Variants in LAMA5 observed in about 807,000 individuals in gnomAD.
LAMA5 encodes laminin subunit alpha 5.
LAMA5 carries 260 observed loss-of-function variants against 433.4 expected under a neutral mutation model. The ratio of observed to expected loss-of-function variants is 0.60; its 90% CI spans 0.54 to 0.66. The LOEUF is 0.66. LAMA5 is among the 30% of genes least tolerant of loss of function. LAMA5 has a pLI of 0.00. For synonymous variants in LAMA5, 2,620 were observed against 2,226.6 expected (o/e 1.18, Z -4.97); for missense variants, 5,378 against 5,258.5 (o/e 1.02, Z -0.70).
chr20:62,320,318 CAAA>C (rs60260941), intron 50 of LAMA5, among the ~76,000 whole-genome samples: 1 of 51,282 alleles, frequency 1.9e-5, no homozygotes, highest in Non-Finnish European at 3.4e-5. Context: ...AACTGTGTCT[CAAA>C]AAAAAAAAAA....
intron 31 of LAMA5, 146 bp from the exon 32 acceptor site, chr20:62,330,062 A>G (rs1980067384): frequency 1.7e-6 from 2 of 1,206,404 alleles, no homozygotes; most frequent in Middle Eastern, 2.9e-4. Flanking sequence ...GAGGTCTGCA[A>G]GGCCGGCCCC....
At chr20:62,335,393 G>C in intron 18 of LAMA5, 124 bp from the exon 19 acceptor site, 1 of 892,028 alleles carries the variant, frequency 1.1e-6, no homozygotes, top group Non-Finnish European at 1.7e-6. Flanking sequence ...AGCACCCCCA[G>C]GAGCCCCTGC....
At chr20:62,361,989 C>T (rs535016259) in intron 2 of LAMA5, among the ~76,000 whole-genome samples, 13 of 152,278 alleles carry the variant, frequency 8.5e-5, no homozygotes, top group African/African-American at 2.4e-4. Context: ...TGTCCACTTG[C>T]GCCAGCCTCC....
chr20:62,316,643 AGG>A, intron 57 of LAMA5, 26 bp downstream of exon 57: 1 of 1,491,428 alleles, frequency 6.7e-7, no homozygotes, highest in African/African-American at 1.4e-5. Flanking sequence ...AGCAGGCCTA[AGG>A]GCCCCCATCG....
Position 62,318,948 on chromosome 20 carries a change from G to C in LAMA5, c.6937C>G (p.Leu2313Val). The C allele has an allele frequency of 1.3e-6, 2 of 1,597,354 alleles. No individual in the cohort carries two copies. Among genetic ancestry groups the C allele is most frequent in the Non-Finnish European group, 1.7e-6 (2 of 1,174,272 alleles). Residue 2313 changes from leucine to valine, a missense_variant, in exon 52 of 80, where the codon CTC (leucine) becomes GTC (valine). By Grantham distance (32) the Leu-to-Val change is conservative (BLOSUM62 1). Transcript: ENST00000252999. ...NASAPSGEQL[L>V]RTLAEVERLL... Reference sequence around the variant, plus strand: ...CGCTCCACCTCGGCCAGTGTCCGGAGCAGCTGCTCACCTGATGGAGCCGAG... The same window carrying C: ...CGCTCCACCTCGGCCAGTGTCCGGACCAGCTGCTCACCTGATGGAGCCGAG...
chr20:62,311,087 G>T lies in LAMA5; in HGVS notation c.10096C>A (p.Leu3366Ile). 4 of 1,578,224 alleles carry T rather than the reference G, an allele frequency of 2.5e-6. No homozygotes were observed. Among genetic ancestry groups the T allele is most frequent in the Admixed American group, 1.8e-5 (1 of 55,806 alleles). Residue 3366 changes from leucine (L) to isoleucine (I), a missense_variant, in exon 74 of 80, where the codon CTC becomes ATC. Leu to Ile is a conservative substitution (Grantham distance 5). Transcript: ENST00000252999. ...CTTCGCGGGAGGACGTGCATGGAGA[G>T]ACTGGGCCTGGAAGCGGAGCTGGCG... ...ILARHRNWPSLSMHVLPRSSR... is the reference protein window; with the variant it reads ...ILARHRNWPSISMHVLPRSSR...
Position 62,322,104 on chromosome 20 carries a change from G to T in LAMA5, c.6411C>A (p.Leu2137=). The T allele has an allele frequency of 6.2e-7, 1 of 1,602,950 alleles. No individual in the cohort carries two copies. Residue 2137 remains leucine, a synonymous_variant, in exon 48 of 80, where the codon CTC becomes CTA. Transcript: ENST00000252999. The part of the protein sequence containing the change: ...HTGRCNCPPG[L]SGERCDTCSQ... Reference sequence around the variant, plus strand: ...TGCAGGTGTCGCAGCGCTCCCCGCTGAGCCCCGGGGGGCAGTTGCAGCGGC... The same window carrying T: ...TGCAGGTGTCGCAGCGCTCCCCGCTTAGCCCCGGGGGGCAGTTGCAGCGGC...
At position 62,315,019 on chromosome 20, in the gene LAMA5, T is replaced by G. The variant is rs1440812004; in HGVS notation, c.8047+9A>C. 6.3e-7 allele frequency: 1 copy of G among 1,585,614 alleles called. No homozygotes were observed. On this transcript the variant is annotated intron_variant, in intron 59 of 79. Coordinates refer to ENST00000252999, the MANE Select transcript of LAMA5 (RefSeq NM_005560.6). ...TCCATCAGGGGCACCGCGAGGGCCA[T>G]GGGCGCACCTGAGTGGCCTGCGTCA...
At chr20:62,328,056 A>G in intron 35 of LAMA5, 46 bp from the exon 36 acceptor site, 1 of 1,608,026 alleles carries the variant, frequency 6.2e-7, no homozygotes, top group Non-Finnish European at 8.5e-7. Context: ...CAGGTCACTC[A>G]CACCAAAGTG....
chr20:62,343,115 C>T (rs578261530), intron 11 of LAMA5, among the ~76,000 whole-genome samples: 5 of 152,316 alleles, frequency 3.3e-5, no homozygotes, highest in South Asian at 2.1e-4. Flanking sequence ...CTCATGAATA[C>T]GCGTTCTATG....
intron 10 of LAMA5, 23 bp downstream of exon 10, chr20:62,346,058 G>A (rs1246019919): frequency 2.5e-6 from 4 of 1,611,900 alleles, no homozygotes; most frequent in Non-Finnish European, 3.4e-6. Context: ...GTGTCTGTTT[G>A]GATGCCCCTG....
At chr20:62,328,103 C>T (rs558207438) in intron 35 of LAMA5, 93 bp from the exon 36 acceptor site, 1 of 1,560,756 alleles carries the variant, frequency 6.4e-7, no homozygotes, top group Admixed American at 1.8e-5. Flanking sequence ...GCAGCATCCT[C>T]CCAGAAGTGG....
Position 62,310,587 on chromosome 20 carries a change from C to G in LAMA5, c.10447-15G>C. The G allele has an allele frequency of 1.3e-6, 2 of 1,564,412 alleles. No individual in the cohort carries two copies. Among genetic ancestry groups the G allele is most frequent in the Non-Finnish European group, 1.7e-6 (2 of 1,159,638 alleles). On this transcript the variant is annotated splice_polypyrimidine_tract_variant and intron_variant, in intron 75 of 79. Transcript: ENST00000252999. ...CCGACGGTCACCTATAGGAGCAGAC[C>G]GGGCAGGGATCAGGGCCCAGGGCAG... is the stretch of plus-strand genomic sequence containing the variant.
rs1259895432 is a variant in LAMA5 at position 62,334,553 on chromosome 20, G to A, written c.2551C>T (p.Arg851Cys). Residue 851 changes from arginine to cysteine, a missense_variant, in exon 21 of 80, where the codon CGC becomes TGC. Transcript: ENST00000252999. ...CAGGTGGGGCCCTGGGTGTTGGGGC[G>A]GCACCGGCAGACGCCCGTCCTCGGT... ...CEPRTGVCRC[R>C]PNTQGPTCSE... 4.5e-6 allele frequency: 7 copies of A among 1,548,656 alleles called. No homozygotes were observed. The highest frequency in any genetic ancestry group is 2.4e-5 in the East Asian group (1 of 40,916).
chr20:62,317,259 G>A (rs1987041871), intron 55 of LAMA5, 86 bp downstream of exon 55: 1 of 1,388,756 alleles, frequency 7.2e-7, no homozygotes, highest in Non-Finnish European at 9.5e-7. Context: ...CAGCCCCTAG[G>A]AGCCTTCCCA....
In LAMA5 at chr20:62,312,413, G is replaced by T. The variant is rs780205672; in HGVS notation, c.9347C>A (p.Thr3116Asn). The T allele has an allele frequency of 6.3e-7, 1 of 1,598,084 alleles. No individual in the cohort carries two copies. Among genetic ancestry groups the T allele is most frequent in the East Asian group, 2.2e-5 (1 of 44,838 alleles). The change falls in exon 68 of 80, where the codon ACC becomes AAC. Residue 3116 changes from threonine to asparagine, a missense_variant. Coordinates refer to ENST00000252999, the MANE Select transcript of LAMA5 (RefSeq NM_005560.6). ...AGGGCTGCTCACCAGCAGGTCGGCGGTGCAGCCGGCGCTCACGCCTGTCGT... is the reference window on the plus strand; with the variant it reads ...AGGGCTGCTCACCAGCAGGTCGGCGTTGCAGCCGGCGCTCACGCCTGTCGT... ...LNTTGVSAGCTADLLVGRAMT... is the reference protein window; with the variant it reads ...LNTTGVSAGCNADLLVGRAMT...
Position 62,329,870 on chromosome 20 carries a change from G to C in LAMA5, c.4026C>G (p.Thr1342=). Residue 1342 remains threonine, a synonymous_variant, in exon 32 of 80, where the codon ACC becomes ACG. Transcript: ENST00000252999. ...SFCPHGYGCR[T]LVVCEGQALL... is the part of the protein sequence containing the mutation. ...GGGCCTGGCCCTCACACACCACCAGGGTGCGGCAGCCGTAGCCATGTGGAC... is the reference window on the plus strand; with the variant it reads ...GGGCCTGGCCCTCACACACCACCAGCGTGCGGCAGCCGTAGCCATGTGGAC... The C allele has an allele frequency of 1.2e-6, 2 of 1,611,512 alleles. No individual in the cohort carries two copies. The highest frequency in any genetic ancestry group is 1.1e-5 in the South Asian group (1 of 91,038).
intron 1 of LAMA5, among the ~76,000 whole-genome samples, 182 bp from the exon 2 acceptor site, chr20:62,362,734 CAG>C (rs762610635): frequency 5.1e-4 from 77 of 152,210 alleles, no homozygotes; most frequent in Admixed American, 1.2e-3. Context: ...TCCTCCGACT[CAG>C]GGGATGTGGC....
chr20:62,329,417 C>T (rs1979933964), intron 32 of LAMA5, among the ~76,000 whole-genome samples, 164 bp from the exon 33 acceptor site: 1 of 152,342 alleles, frequency 6.6e-6, no homozygotes, highest in African/African-American at 2.4e-5. Flanking sequence ...CAGGGGAGGC[C>T]ACTCCAAGCC....
Sources: allele counts gnomAD v4.1 joint callset (sites outside exome capture counted in the v4.1 genomes callset), GRCh38; gene constraint gnomAD v4.1.1; transcripts MANE v1.5; gene names NCBI Gene and HGNC (gene_info 2026-07-23, HGNC 2026-07-21).